The following MAD1L1 variants were observed in gnomAD, a reference collection of about 807,000 sequenced individuals.
MAD1L1 encodes the protein mitotic spindle assembly checkpoint protein MAD1.
MAD1L1 carries 95 observed loss-of-function variants against 96.9 expected under a neutral mutation model. The observed-to-expected ratio is 0.98, with a 90% CI of 0.83 to 1.16. The LOEUF (loss-of-function observed/expected upper bound fraction) is 1.16, where lower values mean the gene tolerates loss of function less well. MAD1L1 is among the 50% of genes most tolerant of loss of function. The pLI is 0.00. For missense variants in MAD1L1, 1,007 were observed against 954.4 expected (o/e 1.06, Z -0.73); for synonymous variants, 473 against 396.6 (o/e 1.19, Z -2.29).
At chr7:1,921,344 G>C (rs1443857211) in intron 17 of MAD1L1, among the ~76,000 whole-genome samples, 1 of 151,050 alleles carries the variant, frequency 6.6e-6, no homozygotes, top group African/African-American at 2.4e-5. Flanking sequence ...TTGGAGACAG[G>C]GTCTATCTCT....
chr7:2,155,576 G>A (rs182849704), intron 10 of MAD1L1, among the ~76,000 whole-genome samples: 20 of 152,266 alleles, frequency 1.3e-4, no homozygotes, highest in Admixed American at 9.2e-4. Context: ...TCTCTGTGAC[G>A]GGCTCACTCT....
intron 11 of MAD1L1, among the ~76,000 whole-genome samples, chr7:2,136,940 G>A (rs192829783): frequency 7.6e-4 from 115 of 152,278 alleles, no homozygotes; most frequent in Middle Eastern, 3.4e-3. Context: ...CAAGAAAAGC[G>A]TTCATAAGAG....
chr7:2,230,172 G>C, intron 2 of MAD1L1, 29 bp from the exon 3 acceptor site: 2 of 1,558,012 alleles, frequency 1.3e-6, no homozygotes, highest in Non-Finnish European at 1.7e-6. Flanking sequence ...GGACTGGTCA[G>C]GGGCAGCCTT....
intron 10 of MAD1L1, among the ~76,000 whole-genome samples, chr7:2,168,722 G>A (rs964534543): frequency 2.0e-5 from 3 of 152,268 alleles, no homozygotes; most frequent in Non-Finnish European, 2.9e-5. Context: ...CGTGGAGGGC[G>A]CCACGAGGTC....
In MAD1L1 at chr7:1,856,758, G is replaced by A. The variant is rs187779387; in HGVS notation, c.1999-40530C>T. 9.2e-5 allele frequency among the ~76,000 whole-genome samples: 14 copies of A among 152,248 alleles called. No homozygotes were observed. The East Asian group carries it at 9.7e-4, about 11-fold the overall frequency. ...CAGCGGCAGGGCCCACGCGCACCCC[G>A]CGTGCCTCCACGTTCCACACGTAAC... On this transcript the variant is annotated intron_variant, in intron 18 of 18. Coordinates refer to ENST00000265854, the MANE Select transcript of MAD1L1 (RefSeq NM_001013836.2).
chr7:1,827,544 G>A lies in MAD1L1; in HGVS notation c.1999-11316C>T, dbSNP rs534117241. 1.1e-3 allele frequency among the ~76,000 whole-genome samples: 146 copies of A among 127,178 alleles called. 1 individual carries two copies. Among genetic ancestry groups the A allele is most frequent in the South Asian group, 2.9e-3 (11 of 3,758 alleles). The allele number at this position is 127,178 out of a possible 152,430, so 83.4% of individuals were successfully genotyped here. A position where few individuals can be genotyped will look rare whatever the true frequency, so the allele number is the denominator to read the frequency against. On this transcript the variant is annotated intron_variant, in intron 18 of 18. Transcript: ENST00000265854. Reference sequence around the variant, plus strand: ...CTCCTGAGCCCGTCCCGGGTGTGGGGGCCTCCCCTCCTGAGCCCGTCCCGG... The same window carrying A: ...CTCCTGAGCCCGTCCCGGGTGTGGGAGCCTCCCCTCCTGAGCCCGTCCCGG...
At chr7:1,913,419 G>A (rs1003104834) in intron 17 of MAD1L1, among the ~76,000 whole-genome samples, 2 of 152,226 alleles carry the variant, frequency 1.3e-5, no homozygotes, top group Non-Finnish European at 2.9e-5. Context: ...GGAGGAATCC[G>A]CGCGTGCACG....
At chr7:1,931,971 C>G (rs568968288) in intron 17 of MAD1L1, among the ~76,000 whole-genome samples, 1 of 152,176 alleles carries the variant, frequency 6.6e-6, no homozygotes, top group Non-Finnish European at 1.5e-5. Context: ...GTGTGTGGCA[C>G]GCAGGGAAGG....
intron 15 of MAD1L1, 46 bp from the exon 16 acceptor site, chr7:1,957,765 G>C (rs752811636): frequency 8.5e-5 from 134 of 1,581,048 alleles, no homozygotes; most frequent in Non-Finnish European, 1.1e-4. Context: ...GGCCAGCCAT[G>C]CTGGGGAAGT....
intron 4 of MAD1L1, among the ~76,000 whole-genome samples, chr7:2,222,963 T>G (rs1171993931): frequency 1.3e-5 from 2 of 152,194 alleles, no homozygotes; most frequent in African/African-American, 4.8e-5. Flanking sequence ...CGGTGAGCAC[T>G]GTGCGAGGTC....
intron 13 of MAD1L1, among the ~76,000 whole-genome samples, chr7:2,009,963 C>T (rs1240844179): frequency 6.6e-6 from 1 of 152,102 alleles, no homozygotes; most frequent in Admixed American, 6.5e-5. Context: ...CTCGCGATTC[C>T]CACTGAGGAC....
intron 18 of MAD1L1, among the ~76,000 whole-genome samples, chr7:1,841,755 G>A (rs949055066): frequency 1.3e-4 from 20 of 152,234 alleles, no homozygotes; most frequent in African/African-American, 4.6e-4. Context: ...TGCTGTCCCC[G>A]TCCTGGCTGT....
intron 10 of MAD1L1, among the ~76,000 whole-genome samples, chr7:2,174,399 T>A (rs1221566401): frequency 6.6e-6 from 1 of 152,194 alleles, no homozygotes; most frequent in African/African-American, 2.4e-5. Context: ...CAACATGCCA[T>A]GGCAATGGTC....
At chr7:2,102,149 A>G (rs909374853) in intron 11 of MAD1L1, among the ~76,000 whole-genome samples, 2 of 151,966 alleles carry the variant, frequency 1.3e-5, no homozygotes, top group African/African-American at 4.8e-5. Context: ...CTGCCACTGC[A>G]CCCACCATCA....
chr7:2,132,205 A>G (rs1788541150), intron 11 of MAD1L1, among the ~76,000 whole-genome samples: 1 of 151,982 alleles, frequency 6.6e-6, no homozygotes, highest in Non-Finnish European at 1.5e-5. Flanking sequence ...AACTGAGGAG[A>G]AATGAGAGTT....
intron 18 of MAD1L1, among the ~76,000 whole-genome samples, chr7:1,824,276 C>T (rs771437221): frequency 2.8e-4 from 43 of 152,312 alleles, no homozygotes; most frequent in Admixed American, 2.0e-3. Flanking sequence ...CGGGGGCTTT[C>T]GCACCCACCA....
intron 15 of MAD1L1, among the ~76,000 whole-genome samples, chr7:1,961,801 T>C (rs1045802187): frequency 1.1e-4 from 17 of 151,804 alleles, no homozygotes; most frequent in African/African-American, 3.6e-4. Flanking sequence ...CATTCTCGTG[T>C]GTTGTGGGAG....
chr7:1,876,158 G>A (rs1477978191), intron 18 of MAD1L1, among the ~76,000 whole-genome samples: 1 of 152,134 alleles, frequency 6.6e-6, no homozygotes, highest in Non-Finnish European at 1.5e-5. Flanking sequence ...CTAGCCCCTT[G>A]GCTCCATAGA....
chr7:2,092,765 A>G (rs1469404452), intron 11 of MAD1L1, among the ~76,000 whole-genome samples: 3 of 152,216 alleles, frequency 2.0e-5, no homozygotes, highest in Middle Eastern at 3.2e-3. Context: ...TCTTAACAGT[A>G]TCTTCCACAG....
Sources: allele counts gnomAD v4.1 joint callset (sites outside exome capture counted in the v4.1 genomes callset), GRCh38; gene constraint gnomAD v4.1.1; transcripts MANE v1.5; gene names NCBI Gene and HGNC (gene_info 2026-07-23, HGNC 2026-07-21).